The following VOPP1 variants were observed in gnomAD, a reference collection of about 807,000 sequenced individuals.
VOPP1 encodes the protein VOPP1 WW domain binding protein.
Under a neutral mutation model 23.5 loss-of-function variants are expected in VOPP1, and 8 were observed. The observed-to-expected ratio is 0.34, with a 90% confidence interval of 0.20 to 0.61. VOPP1 has a LOEUF of 0.61. Ranked by LOEUF, VOPP1 falls within the 20% of genes least tolerant of loss-of-function variation. The pLI is 0.78. For missense variants in VOPP1, 174 were observed against 238.1 expected (o/e 0.73, Z 1.77); for synonymous variants, 83 against 97.3 (o/e 0.85, Z 0.86).
chr7:55,554,577 T>C (rs1797739055), intron 1 of VOPP1, among the ~76,000 whole-genome samples: 1 of 152,156 alleles, frequency 6.6e-6, no homozygotes, highest in African/African-American at 2.4e-5. Flanking sequence ...TTGCAGAACT[T>C]GGGTTGCCGA....
chr7:55,557,138 A>C (rs537169666), intron 1 of VOPP1, among the ~76,000 whole-genome samples: 1 of 152,278 alleles, frequency 6.6e-6, no homozygotes, highest in South Asian at 2.1e-4. Context: ...ATGCTCTTTA[A>C]ATCATATTCT....
intron 1 of VOPP1, chr7:55,537,706 C>A: frequency 7.0e-7 from 1 of 1,432,392 alleles, no homozygotes; most frequent in Non-Finnish European, 9.1e-7. Flanking sequence ...CCATGGAGGA[C>A]GCTACAAGGA....
chr7:55,449,691 C>T (rs905551028), intron 4 of VOPP1, among the ~76,000 whole-genome samples: 3 of 152,164 alleles, frequency 2.0e-5, no homozygotes, highest in African/African-American at 7.2e-5. Context: ...CCTGCAGAGG[C>T]GTTCTGGCCA....
chr7:55,481,871 T>C (rs1792739074), intron 4 of VOPP1, among the ~76,000 whole-genome samples: 1 of 152,200 alleles, frequency 6.6e-6, no homozygotes. Context: ...ACAAAGCCCC[T>C]AGTATCCGGA....
At chr7:55,469,274 T>C (rs537411743), downstream of VOPP1, among the ~76,000 whole-genome samples, 1 of 152,156 alleles carries the variant, frequency 6.6e-6, no homozygotes, top group Non-Finnish European at 1.5e-5. Context: ...ATCTCTAACT[T>C]CCTAGGAGGC....
At chr7:55,482,836 C>T (rs1342327879) in intron 4 of VOPP1, among the ~76,000 whole-genome samples, 1 of 152,162 alleles carries the variant, frequency 6.6e-6, no homozygotes, top group African/African-American at 2.4e-5. Flanking sequence ...GAAAATGAAA[C>T]CCCCACACTA....
intron 1 of VOPP1, among the ~76,000 whole-genome samples, chr7:55,540,653 C>G (rs1797091665): frequency 6.6e-6 from 1 of 152,128 alleles, no homozygotes; most frequent in Non-Finnish European, 1.5e-5. Context: ...TGTGTATGGA[C>G]TCAGGGCTCC....
chr7:55,519,669 T>G (rs1795709354), intron 2 of VOPP1, among the ~76,000 whole-genome samples: 1 of 152,248 alleles, frequency 6.6e-6, no homozygotes, highest in Non-Finnish European at 1.5e-5. Context: ...GGGGTCTGTC[T>G]TTCTGCAGCT....
At chr7:55,512,047 T>A (rs1795104370) in intron 2 of VOPP1, among the ~76,000 whole-genome samples, 1 of 152,192 alleles carries the variant, frequency 6.6e-6, no homozygotes, top group South Asian at 2.1e-4. Context: ...TGATGAGGCA[T>A]CCCCAGGAAA....
intron 4 of VOPP1, among the ~76,000 whole-genome samples, chr7:55,447,581 G>C (rs1791134285): frequency 2.0e-5 from 3 of 152,148 alleles, no homozygotes; most frequent in Admixed American, 2.0e-4. Context: ...GGATACCTAA[G>C]AGAACTACTA....
chr7:55,556,382 C>A (rs1043286634), intron 1 of VOPP1, among the ~76,000 whole-genome samples: 4 of 152,154 alleles, frequency 2.6e-5, no homozygotes, highest in Admixed American at 2.6e-4. Flanking sequence ...ATTCCATGAG[C>A]CAAAATTCTC....
chr7:55,555,837 T>C (rs188554604), intron 1 of VOPP1, among the ~76,000 whole-genome samples: 6 of 152,326 alleles, frequency 3.9e-5, no homozygotes, highest in East Asian at 1.9e-4. Flanking sequence ...TGCAGTATCA[T>C]AGAGACTGCT....
intron 4 of VOPP1, among the ~76,000 whole-genome samples, chr7:55,483,532 G>C (rs575604929): frequency 6.6e-6 from 1 of 152,174 alleles, no homozygotes; most frequent in East Asian, 1.9e-4. Flanking sequence ...CCCCACCCTG[G>C]CCAAATAGGG....
At chr7:55,566,796 T>G (rs112582850) in intron 1 of VOPP1, among the ~76,000 whole-genome samples, 218 of 152,272 alleles carry the variant, frequency 1.4e-3, no homozygotes, top group Non-Finnish European at 2.3e-3. Context: ...CAGTCCAAAA[T>G]TTTCAAACTG....
At chr7:55,501,505 G>A (rs1794365222) in intron 2 of VOPP1, among the ~76,000 whole-genome samples, 1 of 152,206 alleles carries the variant, frequency 6.6e-6, no homozygotes, top group African/African-American at 2.4e-5. Context: ...CTCCCTGACT[G>A]TAAGGTCACT....
intron 1 of VOPP1, among the ~76,000 whole-genome samples, chr7:55,568,105 A>G (rs1798222861): frequency 7.9e-6 from 1 of 126,602 alleles, no homozygotes; most frequent in Non-Finnish European, 1.6e-5. Flanking sequence ...TTTTTGAGAC[A>G]GTCTCACTCT....
chr7:55,526,254 C>T (rs186463144), intron 1 of VOPP1, among the ~76,000 whole-genome samples: 5 of 152,366 alleles, frequency 3.3e-5, no homozygotes, highest in Admixed American at 1.3e-4. Context: ...GCCTGAAAGA[C>T]GTCTCTGCTC....
At chr7:55,510,024 G>A (rs1794973025) in intron 2 of VOPP1, among the ~76,000 whole-genome samples, 1 of 152,142 alleles carries the variant, frequency 6.6e-6, no homozygotes, top group Non-Finnish European at 1.5e-5. Flanking sequence ...CAAAATGAGG[G>A]TCAGGCTGCT....
intron 4 of VOPP1, among the ~76,000 whole-genome samples, chr7:55,490,056 G>A (rs914351751): frequency 6.6e-6 from 1 of 152,082 alleles, no homozygotes; most frequent in Admixed American, 6.5e-5. Context: ...ACAGAGGAGC[G>A]GGGATGGGTC....
Sources: gnomAD v4.1 joint callset for allele counts (sites outside exome capture counted in the v4.1 genomes callset) on GRCh38, gnomAD v4.1.1 for gene constraint, MANE v1.5 for transcripts, NCBI Gene and HGNC (gene_info 2026-07-23, HGNC 2026-07-21) for gene names.